TMEM215: variants seen among roughly 807,000 people sequenced by gnomAD.
TMEM215 encodes the protein transmembrane protein 215.
In TMEM215, 12 loss-of-function variants were observed where a neutral mutation model predicts 14.7. The ratio of observed to expected loss-of-function variants is 0.82; its 90% CI spans 0.52 to 1.33. The LOEUF (loss-of-function observed/expected upper bound fraction) is 1.33. TMEM215 is among the 40% of genes most tolerant of loss of function. TMEM215 has a pLI of 0.00. For synonymous variants in TMEM215, 122 were observed against 124.8 expected (o/e 0.98, Z 0.15); for missense variants, 276 against 296.2 (o/e 0.93, Z 0.50).
chr9:32,784,680 GCC>G lies in TMEM215; in HGVS notation c.500_501del (p.Pro167LeufsTer21). The stretch of plus-strand genomic sequence containing the variant: ...ACGTCCAGATACCTGGACGGCTACT[GCC>G]CCTCGGGCAGTTCCCTCACCTACAG... On this transcript the variant is annotated frameshift_variant, in exon 2 of 2. Coordinates refer to ENST00000342743, the MANE Select transcript of TMEM215 (RefSeq NM_212558.3). LOFTEE classifies it high-confidence loss of function. The G allele has an allele frequency of 1.2e-6, 2 of 1,614,094 alleles. No individual in the cohort carries two copies. The highest frequency in any genetic ancestry group is 1.7e-6 in the Non-Finnish European group (2 of 1,180,016).
rs1203257952 is a variant in TMEM215, at chr9:32,787,764, A to T, written c.*2873A>T. ...GTAGCCTTCAAGAGCTCCTAGACAG[A>T]TATAAATTTAAGTAGACATTACTTT... is the stretch of plus-strand genomic sequence containing the variant. On this transcript the variant is annotated 3_prime_UTR_variant, in exon 2 of 2. Coordinates refer to ENST00000342743, the MANE Select transcript of TMEM215 (RefSeq NM_212558.3). Among the ~76,000 whole-genome samples, 1 of 152,156 alleles carries T rather than the reference A, an allele frequency of 6.6e-6. No individual in the cohort carries two copies. The highest frequency in any genetic ancestry group is 1.5e-5 in the Non-Finnish European group (1 of 67,986).
In TMEM215 at chr9:32,786,294, G is replaced by C. The variant is rs1173806915; in HGVS notation, c.*1403G>C. 1 of 166,946 alleles carries C rather than the reference G, an allele frequency of 6.0e-6. No homozygotes were observed. The highest frequency in any genetic ancestry group is 2.4e-5 in the African/African-American group (1 of 41,432). 10.3% of individuals were successfully genotyped at this position (166,946 alleles called of 1,614,324 possible). On this transcript the variant is annotated 3_prime_UTR_variant, in exon 2 of 2. Transcript: ENST00000342743. ...TCTTAGTCACTTTCTCCCAAAAGGG[G>C]AATTGAGGACAAAAATTTGGGCATA...
chr9:32,784,544 C>T lies in TMEM215; in HGVS notation c.361C>T (p.Pro121Ser). ...TAAGAAGGCGGGCCTCAGGGGGAAG[C>T]CTCCCCCACAAAGCCAGGGTGAGGT... ...LAKKAGLRGK[P>S]PPQSQGEVSV... The change falls in exon 2 of 2, where the codon CCT becomes TCT. Residue 121 changes from proline (P) to serine (S), a missense_variant. Pro to Ser is a moderately conservative substitution (Grantham distance 74, BLOSUM62 -1). Coordinates refer to ENST00000342743, the MANE Select transcript of TMEM215 (RefSeq NM_212558.3). The T allele has an allele frequency of 1.2e-6, 2 of 1,613,894 alleles. No individual in the cohort carries two copies. Among genetic ancestry groups the T allele is most frequent in the Non-Finnish European group, 8.5e-7 (1 of 1,180,012 alleles).
At position 32,785,749 on chromosome 9, in the gene TMEM215, T is replaced by C. The variant is rs1177253933; in HGVS notation, c.*858T>C. 1 of 166,792 alleles carries C rather than the reference T, an allele frequency of 6.0e-6. No homozygotes were observed. Among genetic ancestry groups the C allele is most frequent in the Non-Finnish European group, 1.5e-5 (1 of 68,116 alleles). 10.3% of individuals were successfully genotyped at this position (166,792 alleles called of 1,614,324 possible). On this transcript the variant is annotated 3_prime_UTR_variant, in exon 2 of 2. Transcript: ENST00000342743. ...CAAGACAAAATGAATTTTACATATA[T>C]ATCCAAGTCTTTAACATTGGCAGAC...
chr9:32,785,722 A>C lies in TMEM215; in HGVS notation c.*831A>C, dbSNP rs933563262. 2 of 166,642 alleles carry C rather than the reference A, an allele frequency of 1.2e-5. No homozygotes were observed. The highest frequency in any genetic ancestry group is 2.9e-5 in the Non-Finnish European group (2 of 68,120). 10.3% of individuals were successfully genotyped at this position (166,642 alleles called of 1,614,324 possible). On this transcript the variant is annotated 3_prime_UTR_variant, in exon 2 of 2. Coordinates refer to ENST00000342743, the MANE Select transcript of TMEM215 (RefSeq NM_212558.3). ...CTTTCATAGATTGGAATTTGTTTTC[A>C]TCAAGACAAAATGAATTTTACATAT...
Position 32,784,896 on chromosome 9 carries a change from T to G in TMEM215, c.*5T>G. 1.2e-6 allele frequency: 2 copies of G among 1,607,396 alleles called. No homozygotes were observed. Among genetic ancestry groups the G allele is most frequent in the South Asian group, 2.2e-5 (2 of 90,398 alleles). ...GACCACGAGACCATCGTCTAATCTC[T>G]GCCTACAAAGGTGGCTGGATTGATA... On this transcript the variant is annotated 3_prime_UTR_variant, in exon 2 of 2. Transcript: ENST00000342743.
chr9:32,784,743 C>A lies in TMEM215; in HGVS notation c.560C>A (p.Ser187Tyr). The A allele has an allele frequency of 6.2e-7, 1 of 1,614,094 alleles. No individual in the cohort carries two copies. The highest frequency in any genetic ancestry group is 8.5e-7 in the Non-Finnish European group (1 of 1,180,034). Residue 187 changes from serine to tyrosine, a missense_variant, in exon 2 of 2, where the codon TCT becomes TAT. Ser to Tyr is a moderately radical substitution (Grantham distance 144, BLOSUM62 -2). Transcript: ENST00000342743. ...LDVKCSARDRSECPEPEDSIF... is the reference protein window; with the variant it reads ...LDVKCSARDRYECPEPEDSIF... ...GTCAAGTGCTCAGCAAGGGACAGAT[C>A]TGAGTGCCCTGAGCCTGAGGATAGC...
At chr9:32,783,969 G>C (rs1824470157) in intron 1 of TMEM215, among the ~76,000 whole-genome samples, 157 bp from the exon 2 acceptor site, 2 of 152,160 alleles carry the variant, frequency 1.3e-5, no homozygotes, top group Admixed American at 1.3e-4. Context: ...AACGCAGAGA[G>C]AGAGATAGAG....
Position 32,786,732 on chromosome 9 carries a change from A to T in TMEM215, c.*1841A>T, listed in dbSNP as rs1017617936. 1 of 166,998 alleles carries T rather than the reference A, an allele frequency of 6.0e-6. No homozygotes were observed. The highest frequency in any genetic ancestry group is 2.4e-5 in the African/African-American group (1 of 41,454). 10.3% of individuals were successfully genotyped at this position (166,998 alleles called of 1,614,324 possible). The stretch of plus-strand genomic sequence containing the variant: ...TACTACTCAAAAAAGAATTTTGTAG[A>T]TGTATGAAAGCAGATTATTCAACAC... On this transcript the variant is annotated 3_prime_UTR_variant, in exon 2 of 2. Coordinates refer to ENST00000342743, the MANE Select transcript of TMEM215 (RefSeq NM_212558.3).
chr9:32,784,901 A>G lies in TMEM215; in HGVS notation c.*10A>G, dbSNP rs1824489154. On this transcript the variant is annotated 3_prime_UTR_variant, in exon 2 of 2. Transcript: ENST00000342743. ...CGAGACCATCGTCTAATCTCTGCCT[A>G]CAAAGGTGGCTGGATTGATAGAATA... The G allele has an allele frequency of 5.0e-6, 8 of 1,602,870 alleles. No homozygotes were observed. The South Asian group carries it at 7.8e-5, about 16-fold the overall frequency.
rs368697377 is a variant in TMEM215, at chr9:32,784,202, A to T, written c.19A>T (p.Asn7Tyr). The T allele has an allele frequency of 3.7e-6, 6 of 1,613,450 alleles. No individual in the cohort carries two copies. The highest frequency in any genetic ancestry group is 5.1e-6 in the Non-Finnish European group (6 of 1,179,680). The change falls in exon 2 of 2, where the codon AAC becomes TAC. Residue 7 changes from asparagine to tyrosine, a missense_variant. Asn to Tyr is a moderately radical substitution (Grantham distance 143). Transcript: ENST00000342743. MRPDDI[N>Y]PRTGLVVALV... ...GTGAAACATGCGGCCTGATGACATT[A>T]ACCCGAGGACTGGGCTGGTGGTGGC...
Position 32,784,985 on chromosome 9 carries a change from T to A in TMEM215, c.*94T>A. On this transcript the variant is annotated 3_prime_UTR_variant, in exon 2 of 2. Transcript: ENST00000342743. Reference sequence around the variant, plus strand: ...CTCTGCTTGGAGAGCCTTCACACTGTTAGAAATTGACCTGGTATGTGATGG... The same window carrying A: ...CTCTGCTTGGAGAGCCTTCACACTGATAGAAATTGACCTGGTATGTGATGG... 9.4e-7 allele frequency: 1 copy of A among 1,058,802 alleles called. No individual in the cohort carries two copies. Among genetic ancestry groups the A allele is most frequent in the Non-Finnish European group, 1.4e-6 (1 of 714,686 alleles). 65.6% of individuals were successfully genotyped at this position (1,058,802 alleles called of 1,614,324 possible). A position where few individuals can be genotyped will look rare whatever the true frequency, so the allele number is the denominator to read the frequency against.
intron 1 of TMEM215, 57 bp from the exon 2 acceptor site, chr9:32,784,069 T>C (rs112362811): frequency 0.022 from 20,626 of 933,778 alleles, 416 homozygotes; most frequent in African/African-American, 0.086. Flanking sequence ...CAAGAGTTGA[T>C]GGGTGGGAGC....
Position 32,784,780 on chromosome 9 carries a change from G to A in TMEM215, c.597G>A (p.Val199=). 1 of 1,613,888 alleles carries A rather than the reference G, an allele frequency of 6.2e-7. No homozygotes were observed. Among genetic ancestry groups the A allele is most frequent in the Non-Finnish European group, 8.5e-7 (1 of 1,180,040 alleles). Residue 199 remains valine (V), a synonymous_variant, in exon 2 of 2, where the codon GTG becomes GTA. Transcript: ENST00000342743. ...CPEPEDSIFF[V]PQDSIIVCSY... ...AGCCTGAGGATAGCATCTTCTTTGT[G>A]CCCCAGGACAGTATCATCGTTTGCT...
chr9:32,787,606 G>A lies in TMEM215; in HGVS notation c.*2715G>A, dbSNP rs958368353. 1.3e-5 allele frequency among the ~76,000 whole-genome samples: 2 copies of A among 152,044 alleles called. No individual in the cohort carries two copies. The highest frequency in any genetic ancestry group is 1.5e-5 in the Non-Finnish European group (1 of 67,914). ...AAAAGGGGAAAAGCCACATTTTTTTGAACAGAGGTAGAAGAGAAAGAGAAA... is the reference window on the plus strand; with the variant it reads ...AAAAGGGGAAAAGCCACATTTTTTTAAACAGAGGTAGAAGAGAAAGAGAAA... On this transcript the variant is annotated 3_prime_UTR_variant, in exon 2 of 2. Transcript: ENST00000342743.
rs371688392 is a variant in TMEM215, at chr9:32,783,995, T to TA, written c.-58-130dup. 92 of 603,178 alleles carry TA rather than the reference T, an allele frequency of 1.5e-4. No homozygotes were observed. In the African/African-American group the frequency reaches 1.6e-3, roughly 10 times the overall value. 37.4% of individuals were successfully genotyped at this position (603,178 alleles called of 1,614,324 possible). On this transcript the variant is annotated intron_variant, in intron 1 of 1. Transcript: ENST00000342743. ...AGAGATAGAGAGATTGCAAGAGAGATACAGAGACAGAGATCAAGACTGAAA... is the reference window on the plus strand; with the variant it reads ...AGAGATAGAGAGATTGCAAGAGAGATAACAGAGACAGAGATCAAGACTGAAA...
At position 32,787,970 on chromosome 9, in the gene TMEM215, T is replaced by C. The variant is rs1824526481; in HGVS notation, c.*3079T>C. ...CAGACATGATACTCAAACGAGAGCATATTAGACATCTGTTTTAAGATTTAT... is the reference window on the plus strand; with the variant it reads ...CAGACATGATACTCAAACGAGAGCACATTAGACATCTGTTTTAAGATTTAT... On this transcript the variant is annotated 3_prime_UTR_variant, in exon 2 of 2. Transcript: ENST00000342743. Among the ~76,000 whole-genome samples the C allele has an allele frequency of 6.6e-6, 1 of 152,160 alleles. No homozygotes were observed. Among genetic ancestry groups the C allele is most frequent in the African/African-American group, 2.4e-5 (1 of 41,440 alleles).
chr9:32,783,949 T>G, intron 1 of TMEM215, 144 bp downstream of exon 1: 4 of 506,664 alleles, frequency 7.9e-6, no homozygotes, highest in East Asian at 3.2e-5. Context: ...CAGGGAGAGA[T>G]TGCAAGAGAA....
rs1204273965 is a variant in TMEM215, at chr9:32,784,718, G to A, written c.535G>A (p.Val179Ile). Reference protein sequence around the residue: ...GSSLTYSALDVKCSARDRSEC... With the variant: ...GSSLTYSALDIKCSARDRSEC... Reference sequence around the variant, plus strand: ...TTCCCTCACCTACAGTGCCTTGGACGTCAAGTGCTCAGCAAGGGACAGATC... The same window carrying A: ...TTCCCTCACCTACAGTGCCTTGGACATCAAGTGCTCAGCAAGGGACAGATC... Residue 179 changes from valine to isoleucine, a missense_variant, in exon 2 of 2, where the codon GTC (valine) becomes ATC (isoleucine). Transcript: ENST00000342743. The A allele has an allele frequency of 1.9e-6, 3 of 1,614,110 alleles. No homozygotes were observed. The highest frequency in any genetic ancestry group is 2.5e-6 in the Non-Finnish European group (3 of 1,180,032).
Sources: gnomAD v4.1 joint callset for allele counts (sites outside exome capture counted in the v4.1 genomes callset) on GRCh38, gnomAD v4.1.1 for gene constraint, MANE v1.5 for transcripts, NCBI Gene and HGNC (gene_info 2026-07-23, HGNC 2026-07-21) for gene names.